The following ANK1 variants were observed in gnomAD, a reference collection of about 807,000 sequenced individuals.
ANK1 encodes ankyrin-1.
In ANK1, 51 loss-of-function variants were observed where a neutral mutation model predicts 210.4. The observed-to-expected ratio is 0.24, with a 90% CI of 0.19 to 0.31. The LOEUF (loss-of-function observed/expected upper bound fraction) is 0.31, where lower values mean the gene tolerates loss of function less well. Ranked by LOEUF, ANK1 falls within the 10% of genes least tolerant of loss-of-function variation. The pLI is 1.00. For missense variants in ANK1, 2,051 were observed against 2,504.4 expected (o/e 0.82, Z 3.86); for synonymous variants, 967 against 1,025.9 (o/e 0.94, Z 1.10).
intron 16 of ANK1, among the ~76,000 whole-genome samples, chr8:41,711,960 T>C (rs958622729): frequency 5.5e-4 from 84 of 152,014 alleles, no homozygotes; most frequent in African/African-American, 2.0e-3. Context: ...AGTCTCGCTC[T>C]CTTGCCCAGG....
intron 6 of ANK1, among the ~76,000 whole-genome samples, chr8:41,725,276 T>G (rs533396699): frequency 6.6e-6 from 1 of 152,266 alleles, no homozygotes; most frequent in Admixed American, 6.5e-5. Context: ...CCATTTCCAC[T>G]AAAAGAAAAC....
intron 1 of ANK1, among the ~76,000 whole-genome samples, chr8:41,858,605 G>T (rs1179337341): frequency 1.3e-5 from 2 of 152,206 alleles, no homozygotes; most frequent in African/African-American, 4.8e-5. Context: ...GCCCACAGAG[G>T]GCTTGGTGGC....
chr8:41,778,963 C>T (rs1844710648), intron 1 of ANK1, among the ~76,000 whole-genome samples: 2 of 152,134 alleles, frequency 1.3e-5, no homozygotes, highest in Admixed American at 1.3e-4. Flanking sequence ...ATTTATCCCA[C>T]AGGGAAGTGG....
intron 1 of ANK1, among the ~76,000 whole-genome samples, chr8:41,849,429 T>C (rs1346286977): frequency 1.3e-5 from 2 of 151,772 alleles, no homozygotes; most frequent in African/African-American, 2.4e-5. Context: ...GAGGCTGAAG[T>C]AGAAGAATTG....
intron 1 of ANK1, among the ~76,000 whole-genome samples, chr8:41,825,561 T>A (rs1439529703): frequency 6.6e-6 from 1 of 152,160 alleles, no homozygotes; most frequent in Non-Finnish European, 1.5e-5. Context: ...AGCTTCTCAG[T>A]GAACCACCAG....
At chr8:41,741,559 G>T (rs1166616630) in intron 2 of ANK1, among the ~76,000 whole-genome samples, 1 of 150,554 alleles carries the variant, frequency 6.6e-6, no homozygotes, top group African/African-American at 2.4e-5. Flanking sequence ...GAGCCTGAGT[G>T]GTGGAGTGAG....
At position 41,704,246 on chromosome 8, in the gene ANK1, C is replaced by T. The variant is rs945504349; in HGVS notation, c.2197-107G>A. 34 of 1,357,064 alleles carry T rather than the reference C, an allele frequency of 2.5e-5. No individual in the cohort carries two copies. Among genetic ancestry groups the T allele is most frequent in the Non-Finnish European group, 3.5e-5 (33 of 949,452 alleles). The allele number at this position is 1,357,064 out of a possible 1,614,324, so 84.1% of individuals were successfully genotyped here. On this transcript the variant is annotated intron_variant, in intron 19 of 42. Coordinates refer to ENST00000289734, the MANE Select transcript of ANK1 (RefSeq NM_000037.4). The surrounding 1 kb of genome is among the most constrained non-coding windows in gnomAD (Gnocchi z 4.1). Reference sequence around the variant, plus strand: ...TTCGAAGTGGGACATTAATGAAATGCATTTTCCCCCTTTCTTCCTTCAGGG... The same window carrying T: ...TTCGAAGTGGGACATTAATGAAATGTATTTTCCCCCTTTCTTCCTTCAGGG...
At chr8:41,762,259 C>G (rs142390150) in intron 1 of ANK1, among the ~76,000 whole-genome samples, 1 of 152,310 alleles carries the variant, frequency 6.6e-6, no homozygotes, top group Admixed American at 6.5e-5. Flanking sequence ...TACTTCCAAT[C>G]TTTCTTCCCT....
intron 40 of ANK1, among the ~76,000 whole-genome samples, chr8:41,662,899 A>G (rs1418388158): frequency 2.0e-5 from 3 of 151,914 alleles, no homozygotes; most frequent in Non-Finnish European, 4.4e-5. Flanking sequence ...TACCAATCCA[A>G]TGCATTTTCA....
At position 41,694,254 on chromosome 8, in the gene ANK1, C is replaced by T; in HGVS notation, c.3328-152G>A. ...GAACCGACACGGTGGAGCTTGCCTTCCTGAGCCCTTTCTCCCCTTCTCCTC... is the reference window on the plus strand; with the variant it reads ...GAACCGACACGGTGGAGCTTGCCTTTCTGAGCCCTTTCTCCCCTTCTCCTC... On this transcript the variant is annotated intron_variant, in intron 28 of 42. Coordinates refer to ENST00000289734, the MANE Select transcript of ANK1 (RefSeq NM_000037.4). This position sits in a 1 kb window ranked among gnomAD's most constrained non-coding sequence, Gnocchi z 5.7. 1.2e-6 allele frequency: 1 copy of T among 863,974 alleles called. No individual in the cohort carries two copies. The highest frequency in any genetic ancestry group is 1.8e-6 in the Non-Finnish European group (1 of 567,588). 53.5% of individuals were successfully genotyped at this position (863,974 alleles called of 1,614,324 possible).
intron 1 of ANK1, among the ~76,000 whole-genome samples, chr8:41,791,042 CT>C (rs2150761059): frequency 6.6e-6 from 1 of 152,258 alleles, no homozygotes; most frequent in African/African-American, 2.4e-5. Context: ...CACCAGGTGG[CT>C]GCACAAGCCG....
intron 2 of ANK1, among the ~76,000 whole-genome samples, chr8:41,756,765 G>T (rs866155282): frequency 6.6e-6 from 1 of 152,178 alleles, no homozygotes; most frequent in East Asian, 1.9e-4. Flanking sequence ...TTAAACAGGG[G>T]CAGGATGGAT....
chr8:41,743,334 C>T (rs182444455), intron 2 of ANK1, among the ~76,000 whole-genome samples: 10 of 152,058 alleles, frequency 6.6e-5, no homozygotes, highest in African/African-American at 2.2e-4. Context: ...GAAGGAGCGA[C>T]GGCATGATAG....
At chr8:41,777,834 GCA>G (rs1316886114) in intron 1 of ANK1, among the ~76,000 whole-genome samples, 2 of 152,110 alleles carry the variant, frequency 1.3e-5, no homozygotes, top group Non-Finnish European at 2.9e-5. Flanking sequence ...AATGAAAAAT[GCA>G]CAGTGAATCT....
chr8:41,822,495 T>A (rs942160131), intron 1 of ANK1, among the ~76,000 whole-genome samples: 3 of 152,242 alleles, frequency 2.0e-5, no homozygotes, highest in Admixed American at 6.5e-5. Flanking sequence ...AACATATTTT[T>A]AAATCATATA....
At chr8:41,890,708 C>CAAAAAAAAA (rs557921949) in intron 1 of ANK1, among the ~76,000 whole-genome samples, 3 of 62,900 alleles carry the variant, frequency 4.8e-5, no homozygotes, top group African/African-American at 1.3e-4. Context: ...GACTCCGTCT[C>CAAAAAAAAA]AAAAAAAAAA....
chr8:41,661,902 C>G lies in ANK1; in HGVS notation c.5518G>C (p.Ala1840Pro). 6.2e-7 allele frequency: 1 copy of G among 1,614,020 alleles called. No individual in the cohort carries two copies. Among genetic ancestry groups the G allele is most frequent in the Non-Finnish European group, 8.5e-7 (1 of 1,179,998 alleles). ...TCCTCGTGCTCCTGGGCGGCATCGGCGCTGGACAAGTCTATCTGTCGAACC... is the reference window on the plus strand; with the variant it reads ...TCCTCGTGCTCCTGGGCGGCATCGGGGCTGGACAAGTCTATCTGTCGAACC... ...KVVRQIDLSS[A>P]DAAQEHEEVE... The change falls in exon 41 of 43, where the codon GCC becomes CCC. Residue 1840 changes from alanine (A) to proline (P), a missense_variant. Physicochemically the swap from Ala to Pro is conservative, Grantham distance 27 (BLOSUM62 -1). Coordinates refer to ENST00000289734, the MANE Select transcript of ANK1 (RefSeq NM_000037.4).
intron 38 of ANK1, among the ~76,000 whole-genome samples, chr8:41,669,627 C>A (rs2150558420): frequency 6.6e-6 from 1 of 152,284 alleles, no homozygotes; most frequent in Non-Finnish European, 1.5e-5. Context: ...TTGCAGTGGG[C>A]AGGTCGAGGA....
At position 41,655,395 on chromosome 8, in the gene ANK1, A is replaced by T. The variant is rs550204540; in HGVS notation, c.*395T>A. ...ACCCTGTACGAAGTCAAAACAATTT[A>T]AAAAAAAAACCCCAAAACCAAAACC... On this transcript the variant is annotated 3_prime_UTR_variant, in exon 43 of 43. Transcript: ENST00000289734. 118 of 246,726 alleles carry T rather than the reference A, an allele frequency of 4.8e-4. No individual in the cohort carries two copies. The highest frequency in any genetic ancestry group is 2.9e-3 in the East Asian group (38 of 13,076). The allele number at this position is 246,726 out of a possible 1,614,324, so 15.3% of individuals were successfully genotyped here.
Sources: gnomAD v4.1 joint callset for allele counts (sites outside exome capture counted in the v4.1 genomes callset) on GRCh38, gnomAD v4.1.1 for gene constraint, Gnocchi (gnomAD v3.1) non-coding constraint, MANE v1.5 for transcripts, NCBI Gene and HGNC (gene_info 2026-07-23, HGNC 2026-07-21) for gene names.